The following LNPK variants were observed in gnomAD, a reference collection of about 807,000 sequenced individuals.
LNPK encodes endoplasmic reticulum junction formation protein lunapark.
A neutral mutation model predicts 55.2 loss-of-function variants in LNPK; 29 were observed. That is an observed-to-expected ratio of 0.53 (90% confidence interval 0.39 to 0.72). The LOEUF (loss-of-function observed/expected upper bound fraction) is 0.72, where lower values mean the gene tolerates loss of function less well. LNPK is among the 30% of genes least tolerant of loss of function. The pLI, the probability that LNPK is intolerant of heterozygous loss-of-function variation, is 0.00. For synonymous variants in LNPK, 162 were observed against 168.2 expected (o/e 0.96, Z 0.29); for missense variants, 467 against 494.8 (o/e 0.94, Z 0.53).
At position 176,002,248 on chromosome 2, in the gene LNPK, G is replaced by A. The variant is rs982471551; in HGVS notation, c.-151C>T. On this transcript the variant is annotated 5_prime_UTR_variant, in exon 1 of 13. Coordinates refer to ENST00000272748, the MANE Select transcript of LNPK (RefSeq NM_030650.3). ...CAGCCTGCCTCCAGAGCAGGCAGCAGCCGCCACTGACAGAGAGACAAGCCG... is the reference window on the plus strand; with the variant it reads ...CAGCCTGCCTCCAGAGCAGGCAGCAACCGCCACTGACAGAGAGACAAGCCG... 6 of 450,858 alleles carry A rather than the reference G, an allele frequency of 1.3e-5. No individual in the cohort carries two copies. Among genetic ancestry groups the A allele is most frequent in the African/African-American group, 1.0e-4 (5 of 49,434 alleles). The allele number at this position is 450,858 out of a possible 1,614,324, so 27.9% of individuals were successfully genotyped here. A position where few individuals can be genotyped will look rare whatever the true frequency, so the allele number is the denominator to read the frequency against.
At chr2:175,933,097 C>A (rs1019268240) in intron 12 of LNPK, among the ~76,000 whole-genome samples, 1 of 152,002 alleles carries the variant, frequency 6.6e-6, no homozygotes, top group African/African-American at 2.4e-5. Context: ...AAAAATGATC[C>A]ATGCAATTTC....
chr2:175,997,103 C>T (rs767364685), intron 1 of LNPK, among the ~76,000 whole-genome samples: 25 of 152,140 alleles, frequency 1.6e-4, no homozygotes, highest in Non-Finnish European at 3.4e-4. Flanking sequence ...TAAGGCATAG[C>T]TATCTTGGAG....
chr2:175,937,338 T>C lies in LNPK; in HGVS notation c.1054+6A>G. 6.2e-7 allele frequency: 1 copy of C among 1,612,034 alleles called. No individual in the cohort carries two copies. Among genetic ancestry groups the C allele is most frequent in the Non-Finnish European group, 8.5e-7 (1 of 1,178,914 alleles). The stretch of plus-strand genomic sequence containing the variant: ...TAAGGGGCAAAACTGTTTAACATAT[T>C]CATACCTTCATTAAACTGGTTGTCT... On this transcript the variant is annotated splice_donor_region_variant and intron_variant, in intron 12 of 12. Coordinates refer to ENST00000272748, the MANE Select transcript of LNPK (RefSeq NM_030650.3).
intron 8 of LNPK, among the ~76,000 whole-genome samples, chr2:175,962,697 G>C (rs1194849082): frequency 6.6e-6 from 1 of 152,130 alleles, no homozygotes; most frequent in Admixed American, 6.5e-5. Flanking sequence ...AGCCACAATA[G>C]ACAAATGGGA....
chr2:176,002,272 C>G (rs964651804), upstream of LNPK: 1 of 446,444 alleles, frequency 2.2e-6, no homozygotes, highest in East Asian at 7.6e-5. Context: ...AGAGACAAGC[C>G]GGGCCAACTC....
At position 175,923,942 on chromosome 2, in the gene LNPK, T is replaced by A. The variant is rs2105490879; in HGVS notation, c.*6025A>T. ...TTTGTATTCTAACAAATGTACTTTC[T>A]ATATTTATATATTTATCTGTCTACA... On this transcript the variant is annotated 3_prime_UTR_variant, in exon 13 of 13. Coordinates refer to ENST00000272748, the MANE Select transcript of LNPK (RefSeq NM_030650.3). The A allele has an allele frequency of 6.6e-6, 1 of 152,346 alleles. No individual in the cohort carries two copies. Among genetic ancestry groups the A allele is most frequent in the East Asian group, 1.9e-4 (1 of 5,196 alleles). The allele number at this position is 152,346 out of a possible 1,614,324, so 9.4% of individuals were successfully genotyped here.
intron 12 of LNPK, among the ~76,000 whole-genome samples, chr2:175,936,518 A>AT (rs1202870921): frequency 6.6e-6 from 1 of 152,114 alleles, no homozygotes; most frequent in African/African-American, 2.4e-5. Context: ...TCTAATATGC[A>AT]TTTTTTTCCA....
chr2:175,992,427 A>T lies in LNPK; in HGVS notation c.70-9T>A. ...TCCAATGCTTGAATTTCCTGTTAAG[A>T]GAAAATTATTCCATGTTAGTAAATT... is the stretch of plus-strand genomic sequence containing the variant. On this transcript the variant is annotated splice_polypyrimidine_tract_variant and intron_variant, in intron 3 of 12. Coordinates refer to ENST00000272748, the MANE Select transcript of LNPK (RefSeq NM_030650.3). The T allele has an allele frequency of 6.9e-7, 1 of 1,456,366 alleles. No homozygotes were observed. The highest frequency in any genetic ancestry group is 9.2e-7 in the Non-Finnish European group (1 of 1,090,114). The allele number at this position is 1,456,366 out of a possible 1,614,324, so 90.2% of individuals were successfully genotyped here.
At chr2:175,973,280 T>C (rs1010248883) in intron 5 of LNPK, among the ~76,000 whole-genome samples, 1 of 152,196 alleles carries the variant, frequency 6.6e-6, no homozygotes, top group Non-Finnish European at 1.5e-5. Flanking sequence ...GCTCAAAATA[T>C]GACAATAAAA....
In LNPK at chr2:175,951,605, A is replaced by ATATATATATC. The variant is rs1441190050; in HGVS notation, c.494-3914_494-3913insGATATATATA. ...CATTCATATATATATATATATATATATATATCTCAGTTTCTTTATCCACTC... is the reference window on the plus strand; with the variant it reads ...CATTCATATATATATATATATATATATATATATATCTATATCTCAGTTTCTTTATCCACTC... On this transcript the variant is annotated intron_variant, in intron 8 of 12. Transcript: ENST00000272748. Among the ~76,000 whole-genome samples the ATATATATATC allele has an allele frequency of 2.5e-4, 33 of 129,724 alleles. 1 individual carries two copies. Among genetic ancestry groups the ATATATATATC allele is most frequent in the African/African-American group, 9.0e-4 (31 of 34,394 alleles). The allele number at this position is 129,724 out of a possible 152,430, so 85.1% of individuals were successfully genotyped here.
rs530223318 is a variant in LNPK, at chr2:175,944,852, C to A, written c.706+2628G>T. 1.6e-4 allele frequency among the ~76,000 whole-genome samples: 25 copies of A among 152,106 alleles called. No homozygotes were observed. The East Asian group carries it at 4.6e-3, about 28-fold the overall frequency. On this transcript the variant is annotated intron_variant, in intron 9 of 12. Coordinates refer to ENST00000272748, the MANE Select transcript of LNPK (RefSeq NM_030650.3). ...AAGGCTATTACCATCTATAAAAGGG[C>A]AACTGATGTCAAAATTATAGCTATT... is the stretch of plus-strand genomic sequence containing the variant.
chr2:175,992,946 T>C (rs977497554), intron 3 of LNPK, among the ~76,000 whole-genome samples: 1 of 152,182 alleles, frequency 6.6e-6, no homozygotes, highest in African/African-American at 2.4e-5. Flanking sequence ...AACACTGATT[T>C]ACACCACACT....
rs192625629 is a variant in LNPK at position 175,934,660 on chromosome 2, A to G, written c.1054+2684T>C. On this transcript the variant is annotated intron_variant, in intron 12 of 12. Coordinates refer to ENST00000272748, the MANE Select transcript of LNPK (RefSeq NM_030650.3). ...AAAGAATGCTTTTTTAAAAAAAGGT[A>G]AAACTGATAAACCACCTTAATGTAA... Among the ~76,000 whole-genome samples, 9 of 152,230 alleles carry G rather than the reference A, an allele frequency of 5.9e-5. No individual in the cohort carries two copies. In the East Asian group the frequency reaches 1.5e-3, roughly 26 times the overall value.
intron 8 of LNPK, among the ~76,000 whole-genome samples, chr2:175,951,605 A>ATATCTATATC (rs1553501584): frequency 1.5e-5 from 2 of 129,700 alleles, no homozygotes; most frequent in African/African-American, 5.8e-5. Flanking sequence ...ATATATATAT[A>ATATCTATATC]TATATCTCAG....
At chr2:175,956,450 T>A (rs545059037) in intron 8 of LNPK, among the ~76,000 whole-genome samples, 52 of 152,204 alleles carry the variant, frequency 3.4e-4, no homozygotes, top group Non-Finnish European at 5.1e-4. Context: ...CACTAACCTC[T>A]CAGCTTACCT....
At chr2:175,941,053 G>C (rs1283730125) in intron 9 of LNPK, 5 of 436,556 alleles carry the variant, frequency 1.1e-5, no homozygotes, top group Admixed American at 1.0e-4. Flanking sequence ...TTCAAGACCA[G>C]CCTGGGCAAT....
intron 4 of LNPK, among the ~76,000 whole-genome samples, chr2:175,982,187 A>G (rs1687203278): frequency 8.0e-6 from 1 of 125,460 alleles, no homozygotes; most frequent in African/African-American, 3.3e-5. Context: ...CCACTGAAAT[A>G]GTAGCAGGCT....
In LNPK at chr2:175,927,780, AT is replaced by A. The variant is rs2105500261; in HGVS notation, c.*2186del. The stretch of plus-strand genomic sequence containing the variant: ...ACTAAGTTTCAACCATTAACTGTTT[AT>A]TATAATAATAATGAAAATAAGCTTT... On this transcript the variant is annotated 3_prime_UTR_variant, in exon 13 of 13. Coordinates refer to ENST00000272748, the MANE Select transcript of LNPK (RefSeq NM_030650.3). The A allele has an allele frequency of 6.6e-6, 1 of 151,200 alleles. No homozygotes were observed. The highest frequency in any genetic ancestry group is 2.4e-5 in the African/African-American group (1 of 41,074). 9.4% of individuals were successfully genotyped at this position (151,200 alleles called of 1,614,324 possible).
rs1364719948 is a variant in LNPK, at chr2:175,928,439, G to A, written c.*1528C>T. ...CCAAGACTACAGACCTGAAATTTAA[G>A]CCCAATACGGCAGGCTCAAAAACTC... On this transcript the variant is annotated 3_prime_UTR_variant, in exon 13 of 13. Coordinates refer to ENST00000272748, the MANE Select transcript of LNPK (RefSeq NM_030650.3). The A allele has an allele frequency of 2.1e-5, 3 of 141,806 alleles. No homozygotes were observed. The highest frequency in any genetic ancestry group is 2.2e-4 in the South Asian group (1 of 4,476). The allele number at this position is 141,806 out of a possible 1,614,324, so 8.8% of individuals were successfully genotyped here. A position where few individuals can be genotyped will look rare whatever the true frequency, so the allele number is the denominator to read the frequency against.
Sources: gnomAD v4.1 joint callset for allele counts (sites outside exome capture counted in the v4.1 genomes callset) on GRCh38, gnomAD v4.1.1 for gene constraint, MANE v1.5 for transcripts, NCBI Gene and HGNC (gene_info 2026-07-23, HGNC 2026-07-21) for gene names.